The following DIAPH2 variants were observed in gnomAD, a reference collection of about 807,000 sequenced individuals.
DIAPH2 encodes protein diaphanous homolog 2.
A neutral mutation model predicts 92.7 loss-of-function variants in DIAPH2; 35 were observed. The ratio of observed to expected loss-of-function variants is 0.38; its 90% CI spans 0.29 to 0.50. The LOEUF is 0.50. DIAPH2 is among the 20% of genes least tolerant of loss of function. The pLI is 0.94. For missense variants in DIAPH2, 701 were observed against 819.5 expected (o/e 0.86, Z 1.77); for synonymous variants, 301 against 280.4 (o/e 1.07, Z -0.73).
Position 97,384,002 on chromosome X carries a change from G to A in DIAPH2, c.3103G>A (p.Glu1035Lys), listed in dbSNP as rs758587831. 1 of 1,202,719 alleles carries A rather than the reference G, an allele frequency of 8.3e-7. No individual in the cohort carries two copies. ...AGAGAAAGCTGAACAAGAAAAGTTAGAACGCCAGAAGAAAAAGAAACAACT... is the reference window on the plus strand; with the variant it reads ...AGAGAAAGCTGAACAAGAAAAGTTAAAACGCCAGAAGAAAAAGAAACAACT... ...AKEKAEQEKLERQKKKKQLID... is the reference protein window; with the variant it reads ...AKEKAEQEKLKRQKKKKQLID... The change falls in exon 25 of 27, where the codon GAA (glutamate) becomes AAA (lysine). Residue 1035 changes from glutamate (E) to lysine (K), a missense_variant. Around this residue, in one of 3 missense-constraint regions of DIAPH2, gnomAD observed 536 missense variants for 599.3 expected, o/e 0.89. Transcript: ENST00000324765.
At chrX:97,286,201 A>G (rs2068541436) in intron 23 of DIAPH2, among the ~76,000 whole-genome samples, 1 of 106,947 alleles carries the variant, frequency 9.4e-6, no homozygotes, top group South Asian at 4.3e-4. Flanking sequence ...GGCACACACC[A>G]CCATGCCCAG....
At chrX:96,934,036 A>G (rs1261804070) in intron 10 of DIAPH2, among the ~76,000 whole-genome samples, 1 of 111,101 alleles carries the variant, frequency 9.0e-6, no homozygotes, top group African/African-American at 3.3e-5. Flanking sequence ...ATACAAGAGT[A>G]GAATCATTAT....
At chrX:97,134,888 C>T (rs1485670401) in intron 21 of DIAPH2, among the ~76,000 whole-genome samples, 1 of 111,609 alleles carries the variant, frequency 9.0e-6, no homozygotes, top group Non-Finnish European at 1.9e-5. Flanking sequence ...TATTCGTTCA[C>T]ATTACCTCTT....
rs777632763 is a variant in DIAPH2, at chrX:97,528,995, A to C, written c.3242-70258A>C. On this transcript the variant is annotated intron_variant, in intron 26 of 26. Coordinates refer to ENST00000324765, the MANE Select transcript of DIAPH2 (RefSeq NM_006729.5). ...AGACTGAGGCAGGATAATCGCTTGA[A>C]TCCGGGAGGCGGAGGTTGCAGTGAG... 3 of 109,928 alleles carry C rather than the reference A, an allele frequency of 2.7e-5. No homozygotes were observed. The East Asian group carries it at 8.6e-4, about 31-fold the overall frequency. The allele number at this position is 109,928 out of a possible 1,213,427, so 9.1% of individuals were successfully genotyped here. A position where few individuals can be genotyped will look rare whatever the true frequency, so the allele number is the denominator to read the frequency against.
chrX:97,372,079 T>C (rs2069452856), intron 24 of DIAPH2, among the ~76,000 whole-genome samples: 1 of 112,383 alleles, frequency 8.9e-6, no homozygotes. Flanking sequence ...AGAAAACCTA[T>C]TCTTTGCTGC....
At chrX:96,820,352 C>A (rs2064769459) in intron 4 of DIAPH2, among the ~76,000 whole-genome samples, 1 of 111,411 alleles carries the variant, frequency 9.0e-6, no homozygotes, top group Non-Finnish European at 1.9e-5. Flanking sequence ...CGCCTGTAGT[C>A]CCAGCTACTT....
intron 17 of DIAPH2, among the ~76,000 whole-genome samples, chrX:97,002,810 T>A (rs983735778): frequency 9.0e-6 from 1 of 111,602 alleles, no homozygotes; most frequent in Non-Finnish European, 1.9e-5. Flanking sequence ...CTAATTATAA[T>A]CTTTTAGTTA....
chrX:96,796,534 CAT>C (rs2064541155), intron 4 of DIAPH2, among the ~76,000 whole-genome samples: 1 of 111,602 alleles, frequency 9.0e-6, no homozygotes, highest in Non-Finnish European at 1.9e-5. Context: ...TTTTTTGCCA[CAT>C]TTGGATTGTG....
At chrX:97,572,624 A>G (rs1473900429) in intron 26 of DIAPH2, among the ~76,000 whole-genome samples, 1 of 112,083 alleles carries the variant, frequency 8.9e-6, no homozygotes, top group Admixed American at 9.5e-5. Flanking sequence ...GCCATATTCC[A>G]TACACATCAA....
chrX:96,689,243 C>T (rs968845733), intron 1 of DIAPH2, among the ~76,000 whole-genome samples: 1 of 100,774 alleles, frequency 9.9e-6, no homozygotes, highest in Non-Finnish European at 2.0e-5. Flanking sequence ...AGAAAAGAGA[C>T]GGGGTCCGGA....
At chrX:97,542,653 T>C (rs755767881) in intron 26 of DIAPH2, among the ~76,000 whole-genome samples, 3 of 111,501 alleles carry the variant, frequency 2.7e-5, no homozygotes, top group African/African-American at 6.5e-5. Context: ...TGGATTAGCT[T>C]TTTGCCCTTT....
At chrX:96,729,407 A>G (rs2064041165) in intron 1 of DIAPH2, among the ~76,000 whole-genome samples, 1 of 111,980 alleles carries the variant, frequency 8.9e-6, no homozygotes, top group Non-Finnish European at 1.9e-5. Flanking sequence ...ATTAGTGTGA[A>G]CATTCTTAAA....
chrX:97,039,067 C>G (rs961100496), intron 17 of DIAPH2, among the ~76,000 whole-genome samples: 3 of 111,259 alleles, frequency 2.7e-5, no homozygotes, highest in African/African-American at 9.8e-5. Context: ...TCATTTAGAA[C>G]ACTCACAAAT....
Position 97,083,767 on chromosome X carries a change from G to A in DIAPH2, c.2247+8506G>A, listed in dbSNP as rs1048674975. Reference sequence around the variant, plus strand: ...TCCCAATCATTTGCTTTTATTTTCCGTGTTTATTATAAACTTCGTGACAGG... The same window carrying A: ...TCCCAATCATTTGCTTTTATTTTCCATGTTTATTATAAACTTCGTGACAGG... On this transcript the variant is annotated intron_variant, in intron 19 of 26. Transcript: ENST00000324765. 5.4e-5 allele frequency among the ~76,000 whole-genome samples: 6 copies of A among 111,711 alleles called. No homozygotes were observed. In the East Asian group the frequency reaches 8.4e-4, roughly 16 times the overall value.
chrX:97,340,475 C>T (rs1483222048), intron 23 of DIAPH2, among the ~76,000 whole-genome samples: 1 of 110,863 alleles, frequency 9.0e-6, no homozygotes, highest in Admixed American at 9.7e-5. Context: ...GCTTTCTCCT[C>T]CTTCTCCATA....
At chrX:97,173,250 A>G (rs1429264154) in intron 22 of DIAPH2, among the ~76,000 whole-genome samples, 5 of 111,501 alleles carry the variant, frequency 4.5e-5, no homozygotes, top group Non-Finnish European at 9.4e-5. Flanking sequence ...AAAATTAGCC[A>G]GCTGTGGTGG....
chrX:97,275,322 T>C (rs780877449), intron 23 of DIAPH2, among the ~76,000 whole-genome samples: 6,405 of 12,420 alleles, frequency 0.52, 413 homozygotes, highest in African/African-American at 0.58. Context: ...GCGGGGGCTG[T>C]CCCCCCGCCC....
chrX:97,401,309 G>A (rs1376758501), intron 25 of DIAPH2, among the ~76,000 whole-genome samples: 3 of 110,493 alleles, frequency 2.7e-5, no homozygotes, highest in Non-Finnish European at 5.7e-5. Flanking sequence ...CACTTTAGCT[G>A]ATTCTCTCTC....
chrX:97,282,846 C>G (rs767528085), intron 23 of DIAPH2, among the ~76,000 whole-genome samples: 1 of 111,748 alleles, frequency 8.9e-6, no homozygotes, highest in Non-Finnish European at 1.9e-5. Flanking sequence ...CCAAAATGCT[C>G]TTTTCAGTAT....
Sources: allele counts gnomAD v4.1 joint callset (sites outside exome capture counted in the v4.1 genomes callset), GRCh38; gene constraint gnomAD v4.1.1; regional missense constraint gnomAD v4.1.1; transcripts MANE v1.5; gene names NCBI Gene and HGNC (gene_info 2026-07-23, HGNC 2026-07-21).